Variants in CC2D1B observed in about 807,000 individuals in gnomAD.
CC2D1B encodes the protein coiled-coil and C2 domain-containing protein 1B.
CC2D1B carries 92 observed loss-of-function variants against 110.8 expected under a neutral mutation model. That is an observed-to-expected ratio of 0.83 (90% CI 0.70 to 0.99). CC2D1B has a LOEUF of 0.99. Ranked by LOEUF, CC2D1B falls within the 50% of genes least tolerant of loss-of-function variation. The pLI is 0.00. For missense variants in CC2D1B, 1,136 were observed against 1,089.0 expected, an observed-to-expected ratio of 1.04 and a Z score of -0.61; for synonymous variants, 406 against 429.2, an observed-to-expected ratio of 0.95 and a Z score of 0.67.
At chr1:52,358,192 C>T (rs1027438703) in intron 13 of CC2D1B, 139 bp downstream of exon 13, 10 of 1,270,244 alleles carry the variant, frequency 7.9e-6, no homozygotes, top group Non-Finnish European at 7.5e-6. Context: ...GCTGGGTGTC[C>T]TTGGGCAAGT....
chr1:52,360,900 G>T (rs969634028), intron 5 of CC2D1B, 74 bp downstream of exon 5: 2 of 1,556,852 alleles, frequency 1.3e-6, no homozygotes. Flanking sequence ...TTGCTGTGCA[G>T]GCCAGGCCAC....
rs116516012 is a variant in CC2D1B, at chr1:52,356,678, C to G, written c.1879-236G>C. ...AAATTAGCAACTCCTTCCATCAAAA[C>G]CTAACTCAAACATCCCCTCAGAAGG... On this transcript the variant is annotated intron_variant, in intron 16 of 24. Coordinates refer to ENST00000284376, the MANE Select transcript of CC2D1B (RefSeq NM_001330585.2). The G allele has an allele frequency of 4.2e-3, 2,575 of 609,038 alleles. 48 individuals carry two copies. In the African/African-American group the frequency reaches 0.043, roughly 10 times the overall value. 37.7% of individuals were successfully genotyped at this position (609,038 alleles called of 1,614,324 possible). A position where few individuals can be genotyped will look rare whatever the true frequency, so the allele number is the denominator to read the frequency against.
At position 52,355,430 on chromosome 1, in the gene CC2D1B, T is replaced by G. The variant is rs767068004; in HGVS notation, c.2207A>C (p.Lys736Thr). The G allele has an allele frequency of 9.3e-6, 15 of 1,614,044 alleles. No individual in the cohort carries two copies. The highest frequency in any genetic ancestry group is 4.0e-5 in the African/African-American group (3 of 74,928). Residue 736 changes from lysine (K) to threonine (T), a missense_variant, in exon 21 of 25, where the codon AAA (lysine) becomes ACA (threonine). By Grantham distance (78) the Lys-to-Thr change is moderately conservative. Transcript: ENST00000284376. ...GTTTGTGTTCTTCACCACAGCTGTT[T>G]TGCTTTTTTGAGCCTGGTCCTAAGC... is the stretch of plus-strand genomic sequence containing the variant. ...YPNSDQAQKSKTAVVKNTNSP... is the reference protein window; with the variant it reads ...YPNSDQAQKSTTAVVKNTNSP...
chr1:52,355,509 G>A (rs1646629688), intron 20 of CC2D1B, 60 bp from the exon 21 acceptor site: 2 of 1,607,062 alleles, frequency 1.2e-6, no homozygotes, highest in African/African-American at 2.7e-5. Flanking sequence ...CACAGGGCAG[G>A]CACTGCAGCC....
chr1:52,363,680 C>CTTT (rs772479076), intron 2 of CC2D1B, among the ~76,000 whole-genome samples: 1 of 140,834 alleles, frequency 7.1e-6, no homozygotes, highest in Non-Finnish European at 1.6e-5. Context: ...GAGGTACATC[C>CTTT]TTTTTTTTTT....
At chr1:52,361,196 G>A in intron 4 of CC2D1B, 64 bp from the exon 5 acceptor site, 2 of 1,576,178 alleles carry the variant, frequency 1.3e-6, no homozygotes, top group Non-Finnish European at 1.7e-6. Flanking sequence ...AACAGGACCT[G>A]AGAGTAAAGG....
At chr1:52,355,952 G>T in intron 18 of CC2D1B, 108 bp from the exon 19 acceptor site, 2 of 1,154,694 alleles carry the variant, frequency 1.7e-6, no homozygotes, top group Non-Finnish European at 2.6e-6. Context: ...CGGGAGGGAA[G>T]GCAGAGCTGG....
At chr1:52,356,900 T>G in intron 16 of CC2D1B, 101 bp downstream of exon 16, 15 of 1,347,836 alleles carry the variant, frequency 1.1e-5, no homozygotes, top group South Asian at 1.5e-5. Context: ...GTGGAAGAGC[T>G]GAGAATTTTG....
rs200644631 is a variant in CC2D1B, at chr1:52,359,017, G to A, written c.1257+10C>T. The A allele has an allele frequency of 2.6e-5, 42 of 1,604,198 alleles. No individual in the cohort carries two copies. Among genetic ancestry groups the A allele is most frequent in the African/African-American group, 1.9e-4 (14 of 75,044 alleles). On this transcript the variant is annotated intron_variant, in intron 11 of 24. Transcript: ENST00000284376. The stretch of plus-strand genomic sequence containing the variant: ...CAGCACAGGCAGGGGCTGCATAGCC[G>A]CGGGCCCACCTTGGCAATGCGCTCA...
rs1310671368 is a variant in CC2D1B at position 52,353,080 on chromosome 1, G to A, written c.*145C>T. The A allele has an allele frequency of 1.3e-6, 1 of 785,654 alleles. No homozygotes were observed. The highest frequency in any genetic ancestry group is 1.4e-5 in the South Asian group (1 of 69,262). The allele number at this position is 785,654 out of a possible 1,614,324, so 48.7% of individuals were successfully genotyped here. ...CAACAACAGGAAAGACCAGAGTCGTGGTCAGTAGTGCACATGCTTAACAGG... is the reference window on the plus strand; with the variant it reads ...CAACAACAGGAAAGACCAGAGTCGTAGTCAGTAGTGCACATGCTTAACAGG... On this transcript the variant is annotated 3_prime_UTR_variant, in exon 25 of 25. Coordinates refer to ENST00000284376, the MANE Select transcript of CC2D1B (RefSeq NM_001330585.2).
chr1:52,357,996 C>CTCAGGTCACACA, intron 13 of CC2D1B, 98 bp from the exon 14 acceptor site: 1 of 1,470,950 alleles, frequency 6.8e-7, no homozygotes, highest in Non-Finnish European at 9.1e-7. Flanking sequence ...TGTACTACAT[C>CTCAGGTCACACA]GCTGTGTGAC....
rs1557544695 is a variant in CC2D1B at position 52,357,020 on chromosome 1, A to G, written c.1859T>C (p.Met620Thr). 1 of 1,564,706 alleles carries G rather than the reference A, an allele frequency of 6.4e-7. No individual in the cohort carries two copies. The highest frequency in any genetic ancestry group is 2.4e-5 in the East Asian group (1 of 42,138). Residue 620 changes from methionine to threonine, a missense_variant, in exon 16 of 25, where the codon ATG becomes ACG. Coordinates refer to ENST00000284376, the MANE Select transcript of CC2D1B (RefSeq NM_001330585.2). ...AEEVYAQLQK[M>T]LLEQQEKCLL... Reference sequence around the variant, plus strand: ...GCTGACCTCTTGTTGCTCCAGAAGCATTTTTTGCAGCTGGGCATACACCTC... The same window carrying G: ...GCTGACCTCTTGTTGCTCCAGAAGCGTTTTTTGCAGCTGGGCATACACCTC...
In CC2D1B at chr1:52,353,168, GA is replaced by G. The variant is rs1264813355; in HGVS notation, c.*56del. The G allele has an allele frequency of 1.5e-6, 2 of 1,317,562 alleles. No homozygotes were observed. Among genetic ancestry groups the G allele is most frequent in the South Asian group, 2.5e-5 (2 of 81,124 alleles). 81.6% of individuals were successfully genotyped at this position (1,317,562 alleles called of 1,614,324 possible). A position where few individuals can be genotyped will look rare whatever the true frequency, so the allele number is the denominator to read the frequency against. ...AGGCTTCTGAAGCCAGCAAAGCTGG[GA>G]AAGTCATCTCCTGCACAGTCGCGGC... On this transcript the variant is annotated 3_prime_UTR_variant, in exon 25 of 25. Coordinates refer to ENST00000284376, the MANE Select transcript of CC2D1B (RefSeq NM_001330585.2).
rs1007734566 is a variant in CC2D1B, at chr1:52,359,474, G to A, written c.1003C>T (p.Pro335Ser). 1.2e-5 allele frequency: 19 copies of A among 1,613,986 alleles called. No homozygotes were observed. The highest frequency in any genetic ancestry group is 6.7e-5 in the Admixed American group (4 of 60,006). The change falls in exon 9 of 25, where the codon CCC (proline) becomes TCC (serine). Residue 335 changes from proline to serine, a missense_variant. Pro to Ser is a moderately conservative substitution (Grantham distance 74). Transcript: ENST00000284376. ...KGQPVDLSAM[P>S]PAPEDLKPQQ... ...ACATACTGACCCTCAGGTGCCGGGG[G>A]CATGGCACTCAGATCCACGGGCTGC...
rs571614839 is a variant in CC2D1B, at chr1:52,364,771, T to A, written c.-14-137A>T. 7.8e-6 allele frequency: 4 copies of A among 510,242 alleles called. No homozygotes were observed. In the South Asian group the frequency reaches 1.3e-4, roughly 16 times the overall value. 31.6% of individuals were successfully genotyped at this position (510,242 alleles called of 1,614,324 possible). A position where few individuals can be genotyped will look rare whatever the true frequency, so the allele number is the denominator to read the frequency against. ...CACCAAAGTATGGGTTACCTTTAAT[T>A]AAAGCACTGAAGCAGCACAGGCCAT... On this transcript the variant is annotated intron_variant, in intron 1 of 24. Coordinates refer to ENST00000284376, the MANE Select transcript of CC2D1B (RefSeq NM_001330585.2).
At position 52,357,470 on chromosome 1, in the gene CC2D1B, C is replaced by G. The variant is rs1488035807; in HGVS notation, c.1752+56G>C. On this transcript the variant is annotated intron_variant, in intron 15 of 24. Transcript: ENST00000284376. ...TGCCCTTGTTCACAGCCTGTCAAGC[C>G]TGCCAGCCGCCACCTCCGCCTGAGA... 4 of 1,517,824 alleles carry G rather than the reference C, an allele frequency of 2.6e-6. No homozygotes were observed. In the Admixed American group the frequency reaches 8.0e-5, roughly 30 times the overall value. 94.0% of individuals were successfully genotyped at this position (1,517,824 alleles called of 1,614,324 possible). A position where few individuals can be genotyped will look rare whatever the true frequency, so the allele number is the denominator to read the frequency against.
chr1:52,360,785 G>T, intron 5 of CC2D1B, 189 bp downstream of exon 5: 1 of 894,408 alleles, frequency 1.1e-6, no homozygotes, highest in Non-Finnish European at 1.7e-6. Context: ...TAGTCTAGGA[G>T]AACAGAGAGG....
Position 52,359,855 on chromosome 1 carries a change from G to A in CC2D1B, c.792C>T (p.Leu264=), listed in dbSNP as rs1258167102. 1.9e-6 allele frequency: 3 copies of A among 1,612,324 alleles called. No individual in the cohort carries two copies. Among genetic ancestry groups the A allele is most frequent in the African/African-American group, 1.3e-5 (1 of 75,024 alleles). The stretch of plus-strand genomic sequence containing the variant: ...AAACGGGCTGGGCAGAAATGCCAGG[G>A]AGGCTGGTCTCAGGTTGGGAGGGGT... ...SDNPSQPETS[L]PGISAQPVSD... The change falls in exon 8 of 25, where the codon CTC becomes CTT. Residue 264 remains leucine (L), a synonymous_variant. Coordinates refer to ENST00000284376, the MANE Select transcript of CC2D1B (RefSeq NM_001330585.2).
intron 11 of CC2D1B, 73 bp from the exon 12 acceptor site, chr1:52,358,831 T>A: frequency 6.7e-7 from 1 of 1,502,762 alleles, no homozygotes; most frequent in Non-Finnish European, 9.0e-7. Context: ...TGACACACAG[T>A]GGGGCAAGGA....
Sources: gnomAD v4.1 joint callset for allele counts (sites outside exome capture counted in the v4.1 genomes callset) on GRCh38, gnomAD v4.1.1 for gene constraint, MANE v1.5 for transcripts, NCBI Gene and HGNC (gene_info 2026-07-23, HGNC 2026-07-21) for gene names.